Variants in PTPRJ observed in about 807,000 individuals in gnomAD.
PTPRJ encodes the protein protein tyrosine phosphatase receptor type J, also known as receptor-type tyrosine-protein phosphatase eta.
Under a neutral mutation model 141.3 loss-of-function variants are expected in PTPRJ, and 129 were observed. The ratio of observed to expected loss-of-function variants is 0.91; its 90% confidence interval spans 0.79 to 1.06. PTPRJ has a LOEUF of 1.06. Ranked by LOEUF, PTPRJ falls within the 50% of genes least tolerant of loss-of-function variation. The probability of loss-of-function intolerance (pLI) is 0.00; values close to 1 mark genes in which losing one functional copy is unlikely to be tolerated. For synonymous variants in PTPRJ, 610 were observed against 640.5 expected (o/e 0.95, Z 0.72); for missense variants, 1,601 against 1,679.7 (o/e 0.95, Z 0.82).
chr11:48,164,378 A>C lies in PTPRJ; in HGVS notation c.3720-2A>C. 4 of 1,612,830 alleles carry C rather than the reference A, an allele frequency of 2.5e-6. No individual in the cohort carries two copies. The highest frequency in any genetic ancestry group is 3.4e-6 in the Non-Finnish European group (4 of 1,179,640). ...AATAGGCTTATTTCTCTTTTCTCTC[A>C]GTGCTGGGGTCGGAAGGACGGGCAC... On this transcript the variant is annotated splice_acceptor_variant, in intron 23 of 24. Coordinates refer to ENST00000418331, the MANE Select transcript of PTPRJ (RefSeq NM_002843.4). LOFTEE classifies it high-confidence loss of function.
At chr11:48,062,294 A>G (rs547397264) in intron 1 of PTPRJ, among the ~76,000 whole-genome samples, 1 of 152,088 alleles carries the variant, frequency 6.6e-6, no homozygotes, top group Non-Finnish European at 1.5e-5. Context: ...CGGGCGGATC[A>G]TGAGGTCAGG....
chr11:48,105,518 G>T (rs532635390), intron 1 of PTPRJ, among the ~76,000 whole-genome samples: 125 of 152,314 alleles, frequency 8.2e-4, no homozygotes, highest in African/African-American at 2.9e-3. Flanking sequence ...AAGGAACCTT[G>T]TGTTGTTCGA....
At chr11:48,109,229 G>A (rs569334095) in intron 1 of PTPRJ, among the ~76,000 whole-genome samples, 2 of 151,900 alleles carry the variant, frequency 1.3e-5, no homozygotes, top group African/African-American at 2.4e-5. Context: ...GTAGGAGGAC[G>A]GTTTTTTCCA....
chr11:48,088,567 T>C (rs574298241), intron 1 of PTPRJ, among the ~76,000 whole-genome samples: 11 of 152,222 alleles, frequency 7.2e-5, no homozygotes, highest in African/African-American at 2.4e-4. Context: ...TTGGGCACAG[T>C]GATGTGTGAA....
At position 48,142,797 on chromosome 11, in the gene PTPRJ, C is replaced by T. The variant is rs191738406; in HGVS notation, c.2444-122C>T. On this transcript the variant is annotated intron_variant, in intron 11 of 24. Transcript: ENST00000418331. ...TTGCTTCTGGATTTGCTGTTTTGCA[C>T]GAGCCCAGCATGTAGCTTCCAGAGT... is the stretch of plus-strand genomic sequence containing the variant. 2.1e-4 allele frequency: 257 copies of T among 1,239,584 alleles called. 1 individual carries two copies. The African/African-American group carries it at 3.5e-3, about 17-fold the overall frequency. The allele number at this position is 1,239,584 out of a possible 1,614,324, so 76.8% of individuals were successfully genotyped here. A position where few individuals can be genotyped will look rare whatever the true frequency, so the allele number is the denominator to read the frequency against.
intron 1 of PTPRJ, among the ~76,000 whole-genome samples, chr11:47,991,981 T>A (rs1416556023): frequency 1.3e-5 from 2 of 152,186 alleles, no homozygotes; most frequent in Non-Finnish European, 2.9e-5. Context: ...ATTTTTTTAA[T>A]CTTATACTGT....
intron 1 of PTPRJ, among the ~76,000 whole-genome samples, chr11:47,991,466 G>C (rs1854191307): frequency 6.6e-6 from 1 of 152,174 alleles, no homozygotes; most frequent in Non-Finnish European, 1.5e-5. Flanking sequence ...CTGTAATTGC[G>C]GGAGACGGGA....
At chr11:48,155,735 G>C (rs1291495405) in intron 19 of PTPRJ, 66 bp from the exon 20 acceptor site, 2 of 1,334,112 alleles carry the variant, frequency 1.5e-6, no homozygotes, top group East Asian at 2.3e-5. Context: ...TTTTTTTTCT[G>C]TTTTGTGTCC....
intron 1 of PTPRJ, among the ~76,000 whole-genome samples, chr11:48,049,421 T>C (rs1464607667): frequency 6.6e-6 from 1 of 151,946 alleles, no homozygotes; most frequent in Non-Finnish European, 1.5e-5. Flanking sequence ...CTCACACCTG[T>C]AATCCCAGCA....
intron 1 of PTPRJ, among the ~76,000 whole-genome samples, chr11:48,026,037 C>T (rs1053040160): frequency 1.3e-5 from 2 of 152,214 alleles, no homozygotes; most frequent in Non-Finnish European, 2.9e-5. Flanking sequence ...ACCCTCCCGA[C>T]TCTGTAAATT....
intron 19 of PTPRJ, among the ~76,000 whole-genome samples, chr11:48,155,567 G>A (rs936510676): frequency 1.3e-4 from 20 of 152,120 alleles, no homozygotes; most frequent in African/African-American, 4.3e-4. Context: ...TCAAATCCTG[G>A]CCCTGCCACT....
chr11:48,105,521 T>C (rs1231689395), intron 1 of PTPRJ, among the ~76,000 whole-genome samples: 1 of 152,178 alleles, frequency 6.6e-6, no homozygotes, highest in African/African-American at 2.4e-5. Flanking sequence ...GAACCTTGTG[T>C]TGTTCGAGTC....
intron 1 of PTPRJ, among the ~76,000 whole-genome samples, chr11:48,001,880 T>C (rs996506009): frequency 1.3e-5 from 2 of 152,152 alleles, no homozygotes; most frequent in Non-Finnish European, 2.9e-5. Flanking sequence ...TGGTAAACCG[T>C]AGTTACCCCT....
chr11:48,042,627 G>A (rs1447931222), intron 1 of PTPRJ, among the ~76,000 whole-genome samples: 1 of 152,108 alleles, frequency 6.6e-6, no homozygotes, highest in African/African-American at 2.4e-5. Context: ...AACCAAAACA[G>A]TGCTGTGTCC....
At chr11:48,033,145 T>G (rs1347629659) in intron 1 of PTPRJ, among the ~76,000 whole-genome samples, 1 of 151,434 alleles carries the variant, frequency 6.6e-6, no homozygotes, top group Non-Finnish European at 1.5e-5. Flanking sequence ...GTTGAGGGGA[T>G]GGGTGCTATT....
chr11:48,160,921 C>T (rs1857755626), intron 22 of PTPRJ, among the ~76,000 whole-genome samples: 1 of 151,802 alleles, frequency 6.6e-6, no homozygotes. Context: ...GTGATTCTAA[C>T]CTGTGAGGCT....
intron 14 of PTPRJ, 127 bp downstream of exon 14, chr11:48,145,251 C>T: frequency 7.4e-7 from 1 of 1,346,924 alleles, no homozygotes; most frequent in Non-Finnish European, 1.0e-6. Context: ...CTCTCCCCTC[C>T]CAGAGGTTGA....
At position 47,990,832 on chromosome 11, in the gene PTPRJ, C is replaced by G. The variant is rs370735001; in HGVS notation, c.96+9824C>G. Among the ~76,000 whole-genome samples, 9 of 152,152 alleles carry G rather than the reference C, an allele frequency of 5.9e-5. No homozygotes were observed. In the East Asian group the frequency reaches 1.7e-3, roughly 29 times the overall value. On this transcript the variant is annotated intron_variant, in intron 1 of 24. Coordinates refer to ENST00000418331, the MANE Select transcript of PTPRJ (RefSeq NM_002843.4). Reference sequence around the variant, plus strand: ...TGGCTGGGACTATAGGCGCCCGCCACTATGCCTGGCTAATTTTTTTGTATT... The same window carrying G: ...TGGCTGGGACTATAGGCGCCCGCCAGTATGCCTGGCTAATTTTTTTGTATT...
At chr11:48,077,592 A>G (rs1293944146) in intron 1 of PTPRJ, among the ~76,000 whole-genome samples, 1 of 151,956 alleles carries the variant, frequency 6.6e-6, no homozygotes, top group African/African-American at 2.4e-5. Flanking sequence ...GGAGCGTGCT[A>G]CAGTCTTCCT....
Sources: allele counts gnomAD v4.1 joint callset (sites outside exome capture counted in the v4.1 genomes callset), GRCh38; gene constraint gnomAD v4.1.1; transcripts MANE v1.5; gene names NCBI Gene and HGNC (gene_info 2026-07-23, HGNC 2026-07-21).